MICU2: variants seen among roughly 807,000 people sequenced by gnomAD.
MICU2 encodes calcium uptake protein 2, mitochondrial.
In MICU2, 64 loss-of-function variants were observed where a neutral mutation model predicts 60.4. The observed-to-expected ratio is 1.06, with a 90% CI of 0.87 to 1.31. The LOEUF is 1.31. Among genes scored for constraint, MICU2 ranks in the 50% most tolerant of loss-of-function variants. The pLI, the probability that MICU2 is intolerant of heterozygous loss-of-function variation, is 0.00. For synonymous variants in MICU2, 201 were observed against 175.0 expected (o/e 1.15, Z -1.17); for missense variants, 569 against 531.0 (o/e 1.07, Z -0.70).
intron 9 of MICU2, among the ~76,000 whole-genome samples, chr13:21,501,348 T>C (rs1000452272): frequency 3.4e-4 from 51 of 152,156 alleles, no homozygotes; most frequent in Middle Eastern, 3.4e-3. Context: ...CTGAAAGCTC[T>C]GCCTCCAGGG....
rs76682562 is a variant in MICU2, at chr13:21,567,272, A to T, written c.211-328T>A. ...AAGGTGGTAATACCATAAGATAGTC[A>T]GAGAAGGTCTTTCTGAAGAGGTAAC... On this transcript the variant is annotated intron_variant, in intron 1 of 11. Transcript: ENST00000382374. 5.2e-3 allele frequency among the ~76,000 whole-genome samples: 787 copies of T among 152,308 alleles called. 13 individuals are homozygous for T. The highest frequency in any genetic ancestry group is 0.018 in the African/African-American group (740 of 41,558).
intron 9 of MICU2, among the ~76,000 whole-genome samples, chr13:21,497,190 T>C (rs1169582908): frequency 1.4e-5 from 2 of 144,168 alleles, no homozygotes; most frequent in African/African-American, 5.2e-5. Flanking sequence ...CTGGTCAACA[T>C]GGTGAAAAAG....
At chr13:21,602,349 C>A (rs751712235) in intron 1 of MICU2, among the ~76,000 whole-genome samples, 2 of 151,982 alleles carry the variant, frequency 1.3e-5, no homozygotes, top group Non-Finnish European at 2.9e-5. Flanking sequence ...GGTGAAACCC[C>A]GTCTCTACTA....
intron 1 of MICU2, among the ~76,000 whole-genome samples, chr13:21,574,100 A>G (rs1888173379): frequency 6.6e-6 from 1 of 152,146 alleles, no homozygotes; most frequent in Non-Finnish European, 1.5e-5. Flanking sequence ...TCAGGAAGAG[A>G]GGAAGGGTAT....
At chr13:21,512,841 T>G (rs936646136) in intron 7 of MICU2, among the ~76,000 whole-genome samples, 26 of 152,228 alleles carry the variant, frequency 1.7e-4, no homozygotes, top group African/African-American at 6.0e-4. Flanking sequence ...TATGTTTTCT[T>G]CTAAGAGCTC....
rs545722554 is a variant in MICU2 at position 21,534,351 on chromosome 13, G to A, written c.466+4951C>T. 4.6e-5 allele frequency among the ~76,000 whole-genome samples: 7 copies of A among 151,982 alleles called. No homozygotes were observed. In the South Asian group the frequency reaches 6.2e-4, roughly 14 times the overall value. On this transcript the variant is annotated intron_variant, in intron 4 of 11. Transcript: ENST00000382374. ...CTCCCAAATAGAGGGTATTACAGGC[G>A]TGAGCCACCATGTGCAGCTAATTTT...
intron 10 of MICU2, 40 bp from the exon 11 acceptor site, chr13:21,495,358 A>T: frequency 2.0e-6 from 3 of 1,475,758 alleles, no homozygotes; most frequent in Non-Finnish European, 2.7e-6. Flanking sequence ...ACTATGTGAA[A>T]TAGTCTAAGT....
At chr13:21,497,237 C>T (rs1233001035) in intron 9 of MICU2, among the ~76,000 whole-genome samples, 1 of 150,096 alleles carries the variant, frequency 6.7e-6, no homozygotes, top group African/African-American at 2.5e-5. Flanking sequence ...TGGTGGTGCA[C>T]ACCTGTAGTC....
intron 1 of MICU2, among the ~76,000 whole-genome samples, chr13:21,589,888 A>G (rs7997270): frequency 0.035 from 2,360 of 68,130 alleles, 59 homozygotes; most frequent in African/African-American, 0.085. Flanking sequence ...TGCGTCAGGG[A>G]TAAGAACCTC....
chr13:21,501,887 C>T (rs1335860690), intron 9 of MICU2, among the ~76,000 whole-genome samples: 1 of 152,146 alleles, frequency 6.6e-6, no homozygotes, highest in Non-Finnish European at 1.5e-5. Flanking sequence ...GTCTAGACCT[C>T]TATGCGGACA....
At position 21,503,081 on chromosome 13, in the gene MICU2, G is replaced by A; in HGVS notation, c.778C>T (p.Gln260Ter). The A allele has an allele frequency of 6.3e-7, 1 of 1,594,922 alleles. No individual in the cohort carries two copies. The highest frequency in any genetic ancestry group is 8.5e-7 in the Non-Finnish European group (1 of 1,173,416). Residue 260 changes from glutamine (Q) to a stop codon, truncating the protein, a stop_gained, in exon 9 of 12, where the codon CAA becomes TAA. Transcript: ENST00000382374. LOFTEE classifies it high-confidence loss of function. Reference protein sequence around the residue: ...KEFRRFMENLQTEIQEMEFLQ... With the variant: ...KEFRRFMENL ...AATTCCATTTCTTGAATCTCTGTTTGTAAATTTTCCATAAATCTGAATGTT... is the reference window on the plus strand; with the variant it reads ...AATTCCATTTCTTGAATCTCTGTTTATAAATTTTCCATAAATCTGAATGTT...
intron 9 of MICU2, among the ~76,000 whole-genome samples, chr13:21,499,987 G>A (rs11620283): frequency 0.17 from 25,989 of 152,110 alleles, 2,985 homozygotes; most frequent in Non-Finnish European, 0.26. Context: ...GGACAGCTTT[G>A]CTTACTGTCC....
Position 21,566,874 on chromosome 13 carries a change from G to A in MICU2, c.281C>T (p.Ser94Phe). 6.2e-7 allele frequency: 1 copy of A among 1,613,104 alleles called. No homozygotes were observed. The highest frequency in any genetic ancestry group is 8.5e-7 in the Non-Finnish European group (1 of 1,179,622). Reference protein sequence around the residue: ...SLRKQRFMQFSSLEHEGEYYM... With the variant: ...SLRKQRFMQFFSLEHEGEYYM... ...ATATTCTCCTTCATGTTCGAGTGAA[G>A]AAAACTGCATGAAGCGCTGCTTACG... Residue 94 changes from serine to phenylalanine, a missense_variant, in exon 2 of 12, where the codon TCT becomes TTT. By Grantham distance (155) the Ser-to-Phe change is radical. Coordinates refer to ENST00000382374, the MANE Select transcript of MICU2 (RefSeq NM_152726.3).
intron 1 of MICU2, 70 bp downstream of exon 1, chr13:21,603,869 A>G: frequency 6.5e-7 from 1 of 1,548,030 alleles, no homozygotes; most frequent in South Asian, 1.1e-5. Context: ...GAGCCAAACC[A>G]CTCCCCGCCT....
At chr13:21,506,852 G>A (rs893043428) in intron 8 of MICU2, among the ~76,000 whole-genome samples, 6 of 151,980 alleles carry the variant, frequency 3.9e-5, no homozygotes, top group Non-Finnish European at 7.4e-5. Flanking sequence ...TCCTTACATC[G>A]TCAGTTAAAC....
At chr13:21,586,949 T>A (rs1454507173) in intron 1 of MICU2, among the ~76,000 whole-genome samples, 2 of 152,238 alleles carry the variant, frequency 1.3e-5, no homozygotes, top group African/African-American at 2.4e-5. Flanking sequence ...CCCAGGCATC[T>A]TCTTCCCTCT....
At chr13:21,570,766 C>T (rs1888089114) in intron 1 of MICU2, among the ~76,000 whole-genome samples, 2 of 152,080 alleles carry the variant, frequency 1.3e-5, no homozygotes, top group African/African-American at 4.8e-5. Context: ...GTGTAAAGGA[C>T]CAGAAGTCAT....
Position 21,503,013 on chromosome 13 carries a change from GTCT to G in MICU2, c.843_845del (p.Glu281del), listed in dbSNP as rs1360788308. Reference sequence around the variant, plus strand: ...TGAAAAAAAGTAGCCACTCTGCAAAGTCTTCTTTTCTCATGAAACTCAAACCTT... The same window carrying G: ...TGAAAAAAAGTAGCCACTCTGCAAAGTCTTTTCTCATGAAACTCAAACCTT... On this transcript the variant is annotated inframe_deletion, in exon 9 of 12. Coordinates refer to ENST00000382374, the MANE Select transcript of MICU2 (RefSeq NM_152726.3). The G allele has an allele frequency of 1.9e-6, 3 of 1,610,550 alleles. No homozygotes were observed. Among genetic ancestry groups the G allele is most frequent in the Non-Finnish European group, 2.5e-6 (3 of 1,178,818 alleles).
At chr13:21,593,832 C>G (rs945667306) in intron 1 of MICU2, among the ~76,000 whole-genome samples, 4 of 152,094 alleles carry the variant, frequency 2.6e-5, no homozygotes, top group African/African-American at 9.7e-5. Flanking sequence ...TAGCCATATG[C>G]AGAAAACAGA....
Sources: gnomAD v4.1 joint callset for allele counts (sites outside exome capture counted in the v4.1 genomes callset) on GRCh38, gnomAD v4.1.1 for gene constraint, MANE v1.5 for transcripts, NCBI Gene and HGNC (gene_info 2026-07-23, HGNC 2026-07-21) for gene names.